LY75: variants seen among roughly 807,000 people sequenced by gnomAD.
The protein encoded by LY75 is C-type lectin domain family 13 member B.
A neutral mutation model predicts 231.7 loss-of-function variants in LY75; 185 were observed. The ratio of observed to expected loss-of-function variants is 0.80; its 90% CI spans 0.71 to 0.90. The LOEUF is 0.90. Among genes scored for constraint, LY75 ranks in the 40% least tolerant of loss-of-function variants. The pLI is 0.00. For synonymous variants in LY75, 668 were observed against 689.0 expected, an observed-to-expected ratio of 0.97 and a Z score of 0.48; for missense variants, 1,947 against 2,050.2, an observed-to-expected ratio of 0.95 and a Z score of 0.97.
In LY75 at chr2:159,881,127, C is replaced by T. The variant is rs1174404406; in HGVS notation, c.1360G>A (p.Val454Ile). The T allele has an allele frequency of 1.2e-6, 2 of 1,613,756 alleles. No homozygotes were observed. The highest frequency in any genetic ancestry group is 1.6e-4 in the Middle Eastern group (1 of 6,080). Reference protein sequence around the residue: ...LTYWDENEPNVPYNKTPNCVS... With the variant: ...LTYWDENEPNIPYNKTPNCVS... ...CAGTTGGGCGTCTTATTGTAGGGAA[C>T]ATTTGGCTCATTCTCATCCCAATAT... Residue 454 changes from valine to isoleucine, a missense_variant, in exon 8 of 35, where the codon GTT (valine) becomes ATT (isoleucine). By Grantham distance (29) the Val-to-Ile change is conservative (BLOSUM62 3). Transcript: ENST00000263636.
rs561771861 is a variant in LY75 at position 159,863,829 on chromosome 2, G to T, written c.2199+1010C>A. ...GTGTGAATACTGGCATTCAGATCAT[G>T]GCTAGAAAGAAATGTTAGCCATCCC... On this transcript the variant is annotated intron_variant, in intron 14 of 34. Coordinates refer to ENST00000263636, the MANE Select transcript of LY75 (RefSeq NM_002349.4). Among the ~76,000 whole-genome samples, 11 of 152,248 alleles carry T rather than the reference G, an allele frequency of 7.2e-5. No homozygotes were observed. In the East Asian group the frequency reaches 1.9e-3, roughly 27 times the overall value.
intron 28 of LY75, among the ~76,000 whole-genome samples, chr2:159,820,540 G>A (rs767467177): frequency 6.6e-6 from 1 of 152,070 alleles, no homozygotes; most frequent in Non-Finnish European, 1.5e-5. Context: ...GGGAAGAGTG[G>A]GAGGGGATGA....
At chr2:159,826,973 G>T (rs2125838079) in intron 28 of LY75, among the ~76,000 whole-genome samples, 1 of 152,270 alleles carries the variant, frequency 6.6e-6, no homozygotes, top group East Asian at 1.9e-4. Flanking sequence ...ATGGATCAAA[G>T]ACTTAAATGT....
chr2:159,901,919 C>T (rs967065765), intron 1 of LY75, among the ~76,000 whole-genome samples: 5 of 152,132 alleles, frequency 3.3e-5, no homozygotes, highest in African/African-American at 1.2e-4. Context: ...GATGCTTCCC[C>T]GTATCTTTCT....
intron 13 of LY75, among the ~76,000 whole-genome samples, chr2:159,868,947 C>A (rs1684930471): frequency 6.6e-6 from 1 of 152,146 alleles, no homozygotes. Flanking sequence ...CACACATATA[C>A]ACCATGGAAT....
intron 28 of LY75, among the ~76,000 whole-genome samples, chr2:159,827,152 T>G (rs1683497936): frequency 6.6e-6 from 1 of 152,118 alleles, no homozygotes; most frequent in Non-Finnish European, 1.5e-5. Context: ...CAAAAGAAAC[T>G]ATCATCAGAG....
chr2:159,881,330 G>T lies in LY75; in HGVS notation c.1247-90C>A, dbSNP rs113881098. The T allele has an allele frequency of 1.0e-3, 1,429 of 1,392,844 alleles. 14 individuals carry two copies. The African/African-American group carries it at 0.019, about 19-fold the overall frequency. 86.3% of individuals were successfully genotyped at this position (1,392,844 alleles called of 1,614,324 possible). Reference sequence around the variant, plus strand: ...ATACAAATTTTTATATTCTGATATGGAGTTTTAAGAGCCTTTGTAGTATTC... The same window carrying T: ...ATACAAATTTTTATATTCTGATATGTAGTTTTAAGAGCCTTTGTAGTATTC... On this transcript the variant is annotated intron_variant, in intron 7 of 34. Coordinates refer to ENST00000263636, the MANE Select transcript of LY75 (RefSeq NM_002349.4).
At chr2:159,819,174 G>T (rs1416109928) in intron 29 of LY75, among the ~76,000 whole-genome samples, 1 of 152,122 alleles carries the variant, frequency 6.6e-6, no homozygotes, top group African/African-American at 2.4e-5. Context: ...GGGCACAGTG[G>T]GAGTAATGAC....
chr2:159,861,184 G>C (rs1253002582), intron 14 of LY75, among the ~76,000 whole-genome samples: 2 of 151,752 alleles, frequency 1.3e-5, no homozygotes, highest in South Asian at 4.2e-4. Context: ...TTCTTTTTTT[G>C]CATGTGTTGA....
intron 8 of LY75, among the ~76,000 whole-genome samples, chr2:159,880,011 C>A (rs1685386597): frequency 6.6e-6 from 1 of 152,152 alleles, no homozygotes; most frequent in Non-Finnish European, 1.5e-5. Context: ...TTCACTCTTG[C>A]CCATGGGAAC....
chr2:159,893,577 A>G (rs907792593), intron 3 of LY75, among the ~76,000 whole-genome samples: 9 of 152,138 alleles, frequency 5.9e-5, no homozygotes, highest in Admixed American at 1.3e-4. Context: ...TTCCACTACA[A>G]TCCAGCTTCT....
At chr2:159,886,933 T>C (rs1478881866) in intron 4 of LY75, among the ~76,000 whole-genome samples, 2 of 151,912 alleles carry the variant, frequency 1.3e-5, no homozygotes, top group African/African-American at 4.8e-5. Flanking sequence ...TTAAATTCAT[T>C]AGGCACACAT....
intron 31 of LY75, among the ~76,000 whole-genome samples, chr2:159,811,979 T>A (rs1054212010): frequency 2.6e-5 from 4 of 152,220 alleles, no homozygotes; most frequent in African/African-American, 9.6e-5. Flanking sequence ...ACTAGTAAGT[T>A]CTTGTTTTTA....
chr2:159,832,287 C>T (rs1683688001), intron 27 of LY75, among the ~76,000 whole-genome samples: 2 of 152,168 alleles, frequency 1.3e-5, no homozygotes, highest in Non-Finnish European at 1.5e-5. Context: ...CGAGCATCAC[C>T]GCTTGAGCTC....
At chr2:159,827,820 A>C (rs1683520177) in intron 28 of LY75, among the ~76,000 whole-genome samples, 1 of 152,236 alleles carries the variant, frequency 6.6e-6, no homozygotes, top group South Asian at 2.1e-4. Context: ...ACATGGATGA[A>C]GCTAGAAACC....
Position 159,840,005 on chromosome 2 carries a change from C to CAAA in LY75, c.3507+721_3507+723dup, listed in dbSNP as rs10671183. Among the ~76,000 whole-genome samples, 30 of 58,916 alleles carry CAAA rather than the reference C, an allele frequency of 5.1e-4. 1 individual carries two copies. The highest frequency in any genetic ancestry group is 3.2e-3 in the Admixed American group (11 of 3,448). The allele number at this position is 58,916 out of a possible 152,430, so 38.7% of individuals were successfully genotyped here. A position where few individuals can be genotyped will look rare whatever the true frequency, so the allele number is the denominator to read the frequency against. ...TGGGTGACAGAACAAGAACCTGTCTCAAAAAAAAAAAAAAGAAAAAGAAAA... is the reference window on the plus strand; with the variant it reads ...TGGGTGACAGAACAAGAACCTGTCTCAAAAAAAAAAAAAAAAAGAAAAAGAAAA... On this transcript the variant is annotated intron_variant, in intron 25 of 34. Transcript: ENST00000263636.
At position 159,866,609 on chromosome 2, in the gene LY75, T is replaced by C. The variant is rs573823221; in HGVS notation, c.2118-1689A>G. 2.4e-4 allele frequency among the ~76,000 whole-genome samples: 37 copies of C among 152,274 alleles called. No homozygotes were observed. The Middle Eastern group carries it at 0.01, about 42-fold the overall frequency. Reference sequence around the variant, plus strand: ...CTCTTACAGGCTTCCGAGTGTATCATACTGCCCGAGTGCTGGATTTCTAAA... The same window carrying C: ...CTCTTACAGGCTTCCGAGTGTATCACACTGCCCGAGTGCTGGATTTCTAAA... On this transcript the variant is annotated intron_variant, in intron 13 of 34. Transcript: ENST00000263636.
At chr2:159,888,451 C>T (rs1054317153) in intron 4 of LY75, among the ~76,000 whole-genome samples, 3 of 152,128 alleles carry the variant, frequency 2.0e-5, no homozygotes, top group Non-Finnish European at 4.4e-5. Flanking sequence ...TACTTCTTAG[C>T]TGTATGCTGT....
At chr2:159,817,855 C>G (rs562539906) in intron 29 of LY75, among the ~76,000 whole-genome samples, 6 of 152,138 alleles carry the variant, frequency 3.9e-5, no homozygotes, top group Admixed American at 6.5e-5. Flanking sequence ...CAAGACCATC[C>G]TGGCCAACAT....
Sources: gnomAD v4.1 joint callset for allele counts (sites outside exome capture counted in the v4.1 genomes callset) on GRCh38, gnomAD v4.1.1 for gene constraint, MANE v1.5 for transcripts, NCBI Gene and HGNC (gene_info 2026-07-23, HGNC 2026-07-21) for gene names.